Variants in PTPRQ observed in about 807,000 individuals in gnomAD.
PTPRQ encodes the protein phosphatidylinositol phosphatase PTPRQ.
In PTPRQ, 199 loss-of-function variants were observed where a neutral mutation model predicts 246.0. That is an observed-to-expected ratio of 0.81 (90% CI 0.72 to 0.91). The LOEUF is 0.91. Among genes scored for constraint, PTPRQ ranks in the 40% least tolerant of loss-of-function variants. The pLI is 0.00. For missense variants in PTPRQ, 2,624 were observed against 2,528.4 expected (o/e 1.04, Z -0.81); for synonymous variants, 869 against 853.2 (o/e 1.02, Z -0.32).
chr12:80,463,397 T>C (rs1030879523), intron 6 of PTPRQ, among the ~76,000 whole-genome samples: 1 of 152,238 alleles, frequency 6.6e-6, no homozygotes, highest in Non-Finnish European at 1.5e-5. Flanking sequence ...ATGATTGGTA[T>C]ACCTGAAAGT....
In PTPRQ at chr12:80,657,162, A is replaced by G. The variant is rs1306868885; in HGVS notation, c.6116-823A>G. 2.0e-5 allele frequency among the ~76,000 whole-genome samples: 3 copies of G among 151,984 alleles called. No homozygotes were observed. In the East Asian group the frequency reaches 5.8e-4, roughly 29 times the overall value. Reference sequence around the variant, plus strand: ...GGCGATATGTAGCCTTCTGTTTTTAACATACTTTTTTTAAATAAAAGTGAG... The same window carrying G: ...GGCGATATGTAGCCTTCTGTTTTTAGCATACTTTTTTTAAATAAAAGTGAG... On this transcript the variant is annotated intron_variant, in intron 38 of 44. Transcript: ENST00000644991.
At chr12:80,649,942 C>T (rs1900202933) in intron 37 of PTPRQ, among the ~76,000 whole-genome samples, 1 of 152,134 alleles carries the variant, frequency 6.6e-6, no homozygotes, top group Admixed American at 6.6e-5. Context: ...TCTGCTCTTT[C>T]ATCCAGATGT....
intron 35 of PTPRQ, among the ~76,000 whole-genome samples, chr12:80,639,800 A>G (rs1289990680): frequency 6.6e-6 from 1 of 152,202 alleles, no homozygotes. Flanking sequence ...GAGTTTGCTA[A>G]CAAAATAATA....
At chr12:80,610,354 A>C in intron 27 of PTPRQ, 85 bp from the exon 28 acceptor site, 1 of 1,211,746 alleles carries the variant, frequency 8.3e-7, no homozygotes, top group Non-Finnish European at 1.1e-6. Flanking sequence ...AGATAAATAC[A>C]TCTCACGTAG....
At chr12:80,473,915 C>T (rs936090810) in intron 8 of PTPRQ, among the ~76,000 whole-genome samples, 2 of 152,228 alleles carry the variant, frequency 1.3e-5, no homozygotes, top group African/African-American at 4.8e-5. Context: ...ATAGATCACA[C>T]CCTGGTGGGT....
chr12:80,566,713 A>G (rs1478766975), intron 25 of PTPRQ, among the ~76,000 whole-genome samples: 1 of 151,816 alleles, frequency 6.6e-6, no homozygotes, highest in Admixed American at 6.6e-5. Flanking sequence ...CTAATTTTTA[A>G]AATTTTTATT....
intron 26 of PTPRQ, among the ~76,000 whole-genome samples, chr12:80,590,593 G>A (rs1158180701): frequency 2.7e-5 from 4 of 149,360 alleles, no homozygotes; most frequent in African/African-American, 1.0e-4. Context: ...GCATGAACCC[G>A]GAAGGCGGAG....
intron 9 of PTPRQ, among the ~76,000 whole-genome samples, chr12:80,487,358 G>T (rs1040045981): frequency 4.6e-5 from 7 of 152,090 alleles, no homozygotes; most frequent in African/African-American, 1.7e-4. Context: ...CACCCATAAG[G>T]TCTGTCCAGG....
chr12:80,551,655 T>C (rs370787464), intron 25 of PTPRQ, among the ~76,000 whole-genome samples: 7 of 152,112 alleles, frequency 4.6e-5, no homozygotes, highest in African/African-American at 1.7e-4. Flanking sequence ...ATACTCCAAA[T>C]ATTTTGCTCA....
chr12:80,559,130 C>G (rs556295932), intron 25 of PTPRQ, among the ~76,000 whole-genome samples: 2 of 152,108 alleles, frequency 1.3e-5, no homozygotes, highest in African/African-American at 4.8e-5. Flanking sequence ...CCGGAACCTC[C>G]GCCTCCCGGG....
chr12:80,520,285 T>C (rs955038316), intron 17 of PTPRQ, among the ~76,000 whole-genome samples: 2 of 152,166 alleles, frequency 1.3e-5, no homozygotes, highest in African/African-American at 4.8e-5. Context: ...CTCATAGTAG[T>C]GAATAAGTCT....
Position 80,586,667 on chromosome 12 carries a change from C to T in PTPRQ, c.4286-1462C>T, listed in dbSNP as rs1232562346. 2.0e-5 allele frequency: 3 copies of T among 152,332 alleles called. No individual in the cohort carries two copies. The East Asian group carries it at 5.8e-4, about 29-fold the overall frequency. 9.4% of individuals were successfully genotyped at this position (152,332 alleles called of 1,614,324 possible). A position where few individuals can be genotyped will look rare whatever the true frequency, so the allele number is the denominator to read the frequency against. ...TGAAACTCTCCTTCTTCTCATTCTT[C>T]TTTTTCTCCGCAACTCTGATCATCA... is the stretch of plus-strand genomic sequence containing the variant. On this transcript the variant is annotated intron_variant, in intron 25 of 44. Transcript: ENST00000644991.
At chr12:80,465,074 T>C (rs1893341245) in intron 6 of PTPRQ, 1 of 125,070 alleles carries the variant, frequency 8.0e-6, no homozygotes, top group South Asian at 3.1e-4. Flanking sequence ...GAGCTGGTTT[T>C]TTGAAAGGAT....
At chr12:80,454,475 A>T (rs1215024854) in intron 3 of PTPRQ, 2 of 702,230 alleles carry the variant, frequency 2.8e-6, no homozygotes, top group East Asian at 2.7e-5. Flanking sequence ...CTCTTGCTTG[A>T]TCGCTCTGGC....
At chr12:80,597,287 T>C (rs953931279) in intron 26 of PTPRQ, among the ~76,000 whole-genome samples, 1 of 151,950 alleles carries the variant, frequency 6.6e-6, no homozygotes, top group African/African-American at 2.4e-5. Flanking sequence ...GCCCTAAGAC[T>C]CCAGTATGAC....
At chr12:80,601,614 T>A (rs1473167048) in intron 26 of PTPRQ, among the ~76,000 whole-genome samples, 1 of 151,790 alleles carries the variant, frequency 6.6e-6, no homozygotes, top group Non-Finnish European at 1.5e-5. Flanking sequence ...ATTGTTTCTG[T>A]CCACACTGGT....
intron 36 of PTPRQ, among the ~76,000 whole-genome samples, chr12:80,649,385 G>T (rs1489101579): frequency 1.3e-5 from 2 of 151,998 alleles, no homozygotes; most frequent in Non-Finnish European, 2.9e-5. Flanking sequence ...AAGGAATTTT[G>T]TGCCATGAAT....
chr12:80,478,760 G>A (rs1893918145), intron 8 of PTPRQ, among the ~76,000 whole-genome samples: 1 of 152,132 alleles, frequency 6.6e-6, no homozygotes. Context: ...GCGATCAACT[G>A]GAAGAAAGGG....
intron 25 of PTPRQ, among the ~76,000 whole-genome samples, chr12:80,565,846 T>C (rs1393073789): frequency 1.3e-5 from 2 of 152,200 alleles, no homozygotes; most frequent in Admixed American, 6.6e-5. Flanking sequence ...TTTCAAATAT[T>C]ACAAGTTTCA....
Sources: allele counts gnomAD v4.1 joint callset (sites outside exome capture counted in the v4.1 genomes callset), GRCh38; gene constraint gnomAD v4.1.1; transcripts MANE v1.5; gene names NCBI Gene and HGNC (gene_info 2026-07-23, HGNC 2026-07-21).